DGUOK: variants seen among roughly 807,000 people sequenced by gnomAD.
DGUOK encodes deoxyguanosine kinase, mitochondrial.
DGUOK carries 30 observed loss-of-function variants against 36.6 expected under a neutral mutation model. The observed-to-expected ratio is 0.82, with a 90% CI of 0.61 to 1.11. DGUOK has a LOEUF of 1.11. Among genes scored for constraint, DGUOK ranks in the 50% most tolerant of loss-of-function variants. The pLI, the probability that DGUOK is intolerant of heterozygous loss-of-function variation, is 0.00. For synonymous variants in DGUOK, 145 were observed against 126.3 expected (o/e 1.15, Z -0.99); for missense variants, 361 against 336.4 (o/e 1.07, Z -0.57).
intron 3 of DGUOK, 133 bp from the exon 4 acceptor site, chr2:73,950,452 T>C: frequency 2.2e-6 from 2 of 917,260 alleles, no homozygotes; most frequent in South Asian, 1.4e-5. Context: ...GATGAGGAGC[T>C]AGAAAGGTTA....
At chr2:73,958,293 C>T in intron 6 of DGUOK, 48 bp downstream of exon 6, 7 of 1,472,706 alleles carry the variant, frequency 4.8e-6, no homozygotes, top group Non-Finnish European at 6.6e-6. Flanking sequence ...CTTTGTTGTA[C>T]TTTTATCTTT....
intron 3 of DGUOK, among the ~76,000 whole-genome samples, chr2:73,949,750 A>G (rs1305012135): frequency 6.6e-6 from 1 of 152,164 alleles, no homozygotes; most frequent in Admixed American, 6.5e-5. Context: ...CTTGCTTAGG[A>G]TGCAAATTGT....
At chr2:73,955,132 C>G (rs1055356698) in intron 4 of DGUOK, among the ~76,000 whole-genome samples, 1 of 152,074 alleles carries the variant, frequency 6.6e-6, no homozygotes, top group African/African-American at 2.4e-5. Flanking sequence ...AATATGTTAG[C>G]TTATTTTAAT....
intron 1 of DGUOK, among the ~76,000 whole-genome samples, chr2:73,935,045 C>T (rs542506128): frequency 6.6e-6 from 1 of 152,182 alleles, no homozygotes; most frequent in African/African-American, 2.4e-5. Context: ...CACTGCACTC[C>T]AGCCTGGGCA....
At chr2:73,958,649 G>A in intron 6 of DGUOK, 61 bp from the exon 7 acceptor site, 2 of 1,415,130 alleles carry the variant, frequency 1.4e-6, no homozygotes, top group South Asian at 2.3e-5. Context: ...CATTGGGGGT[G>A]GACCATTGAA....
At chr2:73,933,307 T>C (rs1314802107) in intron 1 of DGUOK, among the ~76,000 whole-genome samples, 1 of 152,236 alleles carries the variant, frequency 6.6e-6, no homozygotes, top group Non-Finnish European at 1.5e-5. Context: ...GTTCTCATAC[T>C]CAGGATGCAA....
At chr2:73,958,356 A>G in intron 6 of DGUOK, 111 bp downstream of exon 6, 1 of 824,022 alleles carries the variant, frequency 1.2e-6, no homozygotes, top group East Asian at 2.6e-5. Flanking sequence ...TGCATCTCAC[A>G]TTGCATTTCA....
intron 1 of DGUOK, among the ~76,000 whole-genome samples, chr2:73,929,185 A>G (rs28382406): frequency 1.3e-5 from 2 of 151,934 alleles, no homozygotes; most frequent in Non-Finnish European, 2.9e-5. Flanking sequence ...ATTGCATCTC[A>G]CTGCAGCCTG....
chr2:73,932,612 C>T (rs867600850), intron 1 of DGUOK: 5 of 1,298,140 alleles, frequency 3.9e-6, no homozygotes, highest in Non-Finnish European at 5.0e-6. Context: ...CATCCTCAAG[C>T]AAATCAGAAT....
At chr2:73,936,792 G>T (rs989184010) in intron 1 of DGUOK, among the ~76,000 whole-genome samples, 2 of 152,126 alleles carry the variant, frequency 1.3e-5, no homozygotes, top group Non-Finnish European at 2.9e-5. Context: ...TACCCTGGAG[G>T]AGCCCCATCC....
chr2:73,931,445 A>G (rs944441295), intron 1 of DGUOK, among the ~76,000 whole-genome samples: 1 of 152,130 alleles, frequency 6.6e-6, no homozygotes. Flanking sequence ...TAGCTAACAC[A>G]TGCAGTTTTA....
chr2:73,945,416 T>C (rs1445568136), intron 2 of DGUOK, among the ~76,000 whole-genome samples: 2 of 152,130 alleles, frequency 1.3e-5, no homozygotes, highest in Admixed American at 6.5e-5. Flanking sequence ...AATGATGAGG[T>C]TAGAGGAAGC....
At chr2:73,953,130 A>G (rs1290058046) in intron 4 of DGUOK, among the ~76,000 whole-genome samples, 1 of 152,088 alleles carries the variant, frequency 6.6e-6, no homozygotes, top group Non-Finnish European at 1.5e-5. Flanking sequence ...CCCAGTCCCA[A>G]GAGAGTGGCA....
chr2:73,954,873 C>G (rs1202669441), intron 4 of DGUOK, among the ~76,000 whole-genome samples: 1 of 152,200 alleles, frequency 6.6e-6, no homozygotes, highest in Admixed American at 6.5e-5. Context: ...CTTTCCTGTT[C>G]ACATTCAGGT....
intron 2 of DGUOK, among the ~76,000 whole-genome samples, chr2:73,945,306 C>T (rs887514323): frequency 3.3e-5 from 5 of 152,210 alleles, no homozygotes; most frequent in African/African-American, 1.2e-4. Context: ...TTCTGCCTTA[C>T]ATTCCAGCTT....
chr2:73,949,121 T>C (rs1682535823), intron 3 of DGUOK, among the ~76,000 whole-genome samples: 2 of 152,036 alleles, frequency 1.3e-5, no homozygotes, highest in African/African-American at 4.8e-5. Flanking sequence ...CTGGCTAATT[T>C]TTGTGTTTTT....
chr2:73,937,805 T>C (rs1573523720), intron 1 of DGUOK, among the ~76,000 whole-genome samples: 1 of 152,322 alleles, frequency 6.6e-6, no homozygotes, highest in African/African-American at 2.4e-5. Flanking sequence ...TGGTACTAGG[T>C]TGATTTCATC....
chr2:73,932,063 A>G (rs1229975614), intron 1 of DGUOK, among the ~76,000 whole-genome samples: 1 of 152,140 alleles, frequency 6.6e-6, no homozygotes, highest in Non-Finnish European at 1.5e-5. Flanking sequence ...TCTGAGACAG[A>G]TTGGAATATG....
At chr2:73,945,826 C>A (rs1558656622) in intron 2 of DGUOK, among the ~76,000 whole-genome samples, 1 of 152,166 alleles carries the variant, frequency 6.6e-6, no homozygotes, top group Non-Finnish European at 1.5e-5. Flanking sequence ...AGTTCGAGAC[C>A]AGCCTGGCCA....
Sources: allele counts gnomAD v4.1 joint callset (sites outside exome capture counted in the v4.1 genomes callset), GRCh38; gene constraint gnomAD v4.1.1; transcripts MANE v1.5; gene names NCBI Gene and HGNC (gene_info 2026-07-23, HGNC 2026-07-21).